The following ROBO2 variants were observed in gnomAD, a reference collection of about 807,000 sequenced individuals.
The protein encoded by ROBO2 is roundabout guidance receptor 2.
ROBO2 carries 53 observed loss-of-function variants against 160.8 expected under a neutral mutation model. The ratio of observed to expected loss-of-function variants is 0.33; its 90% CI spans 0.26 to 0.41. The LOEUF is 0.41. Among genes scored for constraint, ROBO2 ranks in the 10% least tolerant of loss-of-function variants. ROBO2 has a pLI of 1.00. For synonymous variants in ROBO2, 664 were observed against 611.7 expected, an observed-to-expected ratio of 1.09 and a Z score of -1.26; for missense variants, 1,577 against 1,722.4, an observed-to-expected ratio of 0.92 and a Z score of 1.49.
At chr3:76,900,644 G>A (rs540569847) in intron 2 of ROBO2, among the ~76,000 whole-genome samples, 140 of 152,246 alleles carry the variant, frequency 9.2e-4, no homozygotes, top group African/African-American at 3.3e-3. Flanking sequence ...GCTGCTAGAC[G>A]ATATGTAAAA....
chr3:77,335,448 T>C (rs1216961867), intron 2 of ROBO2, among the ~76,000 whole-genome samples: 2 of 152,182 alleles, frequency 1.3e-5, no homozygotes, highest in East Asian at 3.8e-4. Flanking sequence ...AAAAAATATC[T>C]GTATGTTCAT....
chr3:76,335,722 C>T (rs537203365), intron 2 of ROBO2, among the ~76,000 whole-genome samples: 35 of 151,846 alleles, frequency 2.3e-4, no homozygotes, highest in East Asian at 1.6e-3. Context: ...GGACTACAGG[C>T]GCCGCCACCA....
chr3:76,981,736 A>C (rs2060109703), intron 2 of ROBO2, among the ~76,000 whole-genome samples: 1 of 152,180 alleles, frequency 6.6e-6, no homozygotes, highest in African/African-American at 2.4e-5. Flanking sequence ...CAGGAAGCAT[A>C]GTGCTGACAT....
Position 76,383,638 on chromosome 3 carries a change from C to A in ROBO2, c.109+446036C>A, listed in dbSNP as rs548451158. On this transcript the variant is annotated intron_variant, in intron 2 of 26. Transcript: ENST00000487694. ...TGTTAAGAGTGGAAAAGATGCATAA[C>A]TGACGTGCATCTGGCATATCTGATG... is the stretch of plus-strand genomic sequence containing the variant. 2.2e-3 allele frequency among the ~76,000 whole-genome samples: 331 copies of A among 152,150 alleles called. 1 individual carries two copies. The highest frequency in any genetic ancestry group is 7.6e-3 in the African/African-American group (315 of 41,500).
chr3:76,154,305 C>T (rs1321756045), intron 2 of ROBO2, among the ~76,000 whole-genome samples: 2 of 152,022 alleles, frequency 1.3e-5, no homozygotes, highest in East Asian at 3.9e-4. Flanking sequence ...GATTTTGAGT[C>T]ATCAGGATAA....
chr3:76,730,202 G>GTCCTCACCTCCTACTCCCTACCCACCTC (rs1470826004), intron 2 of ROBO2, among the ~76,000 whole-genome samples: 1 of 113,042 alleles, frequency 8.8e-6, no homozygotes, highest in African/African-American at 3.5e-5. Flanking sequence ...CTACTCGCTT[G>GTCCTCACCTCCTACTCCCTACCCACCTC]TCCTCACCTC....
At chr3:76,780,213 T>G (rs1449429591) in intron 2 of ROBO2, among the ~76,000 whole-genome samples, 1 of 150,738 alleles carries the variant, frequency 6.6e-6, no homozygotes, top group African/African-American at 2.4e-5. Flanking sequence ...GTTTGTTTTT[T>G]TTTTGGAGAG....
intron 2 of ROBO2, among the ~76,000 whole-genome samples, chr3:76,907,868 C>A (rs1459672445): frequency 8.7e-6 from 1 of 114,864 alleles, no homozygotes; most frequent in African/African-American, 3.5e-5. Flanking sequence ...GAGATGGAGT[C>A]TTGCTCTGTC....
chr3:76,888,193 C>T (rs952287561), intron 2 of ROBO2, among the ~76,000 whole-genome samples: 1 of 152,052 alleles, frequency 6.6e-6, no homozygotes, highest in African/African-American at 2.4e-5. Flanking sequence ...TGTGGTGAAA[C>T]CCCGTCTCCA....
chr3:76,009,979 T>G (rs1380469622), intron 2 of ROBO2, among the ~76,000 whole-genome samples: 5 of 152,360 alleles, frequency 3.3e-5, no homozygotes, highest in African/African-American at 1.2e-4. Flanking sequence ...TACTATTTCT[T>G]TTCTATTTTC....
At chr3:76,012,985 G>A (rs563541178) in intron 2 of ROBO2, among the ~76,000 whole-genome samples, 52 of 150,824 alleles carry the variant, frequency 3.4e-4, no homozygotes, top group African/African-American at 1.1e-3. Context: ...GGGCACGGTG[G>A]CTTATGCATG....
At chr3:77,414,322 C>T (rs1438067895) in intron 2 of ROBO2, among the ~76,000 whole-genome samples, 1 of 152,150 alleles carries the variant, frequency 6.6e-6, no homozygotes, top group East Asian at 1.9e-4. Flanking sequence ...AGGAAAGTCT[C>T]TATTGCAGGA....
chr3:77,283,880 G>T (rs924715394), intron 2 of ROBO2, among the ~76,000 whole-genome samples: 15 of 152,134 alleles, frequency 9.9e-5, no homozygotes, highest in African/African-American at 3.1e-4. Flanking sequence ...GGAATAGCTA[G>T]TTAAGATGAA....
At chr3:76,295,604 A>G (rs2107718849) in intron 2 of ROBO2, among the ~76,000 whole-genome samples, 1 of 152,216 alleles carries the variant, frequency 6.6e-6, no homozygotes, top group South Asian at 2.1e-4. Flanking sequence ...TGTACACACT[A>G]TTATGTTAGA....
At chr3:77,550,637 T>C (rs1194866399) in intron 7 of ROBO2, among the ~76,000 whole-genome samples, 181 bp from the exon 9 acceptor site, 1 of 152,098 alleles carries the variant, frequency 6.6e-6, no homozygotes, top group African/African-American at 2.4e-5. Context: ...TATTCCACCA[T>C]GATTTGGAAA....
intron 2 of ROBO2, among the ~76,000 whole-genome samples, chr3:76,871,653 T>C (rs1559630913): frequency 3.3e-5 from 5 of 152,130 alleles, no homozygotes; most frequent in Non-Finnish European, 1.5e-5. Flanking sequence ...TTTATACAGA[T>C]AAAACATATT....
chr3:77,146,922 A>G (rs945025132), intron 2 of ROBO2, among the ~76,000 whole-genome samples: 3 of 152,144 alleles, frequency 2.0e-5, no homozygotes, highest in Non-Finnish European at 4.4e-5. Context: ...AGCCAAAATT[A>G]CGCCACTGCA....
chr3:77,292,358 G>A (rs140290472), intron 2 of ROBO2, among the ~76,000 whole-genome samples: 163 of 151,754 alleles, frequency 1.1e-3, no homozygotes, highest in Middle Eastern at 3.4e-3. Flanking sequence ...TAAAATTGAC[G>A]GTTAAATGGG....
At chr3:76,354,241 G>A (rs370105724) in intron 2 of ROBO2, among the ~76,000 whole-genome samples, 2 of 151,802 alleles carry the variant, frequency 1.3e-5, no homozygotes, top group East Asian at 3.9e-4. Context: ...AATTCCAGCT[G>A]TTTCTTTTTC....
Sources: allele counts gnomAD v4.1 joint callset (sites outside exome capture counted in the v4.1 genomes callset), GRCh38; gene constraint gnomAD v4.1.1; transcripts MANE v1.5; gene names NCBI Gene and HGNC (gene_info 2026-07-23, HGNC 2026-07-21).